DTNA: variants seen among roughly 807,000 people sequenced by gnomAD.
The protein encoded by DTNA is dystrobrevin alpha.
In DTNA, 43 loss-of-function variants were observed where a neutral mutation model predicts 100.7. That is an observed-to-expected ratio of 0.43 (90% CI 0.33 to 0.55). The LOEUF (loss-of-function observed/expected upper bound fraction) is 0.55. DTNA is among the 20% of genes least tolerant of loss of function. The pLI is 0.04. For synonymous variants in DTNA, 349 were observed against 347.9 expected, an observed-to-expected ratio of 1.00 and a Z score of -0.04; for missense variants, 798 against 953.9, an observed-to-expected ratio of 0.84 and a Z score of 2.15.
In DTNA at chr18:34,891,385, A is replaced by AT. The variant is rs1416981626; in HGVS notation, c.*3652dup. The AT allele has an allele frequency of 2.0e-5, 3 of 152,622 alleles. No homozygotes were observed. The highest frequency in any genetic ancestry group is 7.2e-5 in the African/African-American group (3 of 41,436). The allele number at this position is 152,622 out of a possible 1,614,324, so 9.5% of individuals were successfully genotyped here. ...AGTGGAATAATTTCTTCATTAAAAA[A>AT]TGTTTTTAAAAACACTATATCTTGG... is the stretch of plus-strand genomic sequence containing the variant. On this transcript the variant is annotated 3_prime_UTR_variant, in exon 23 of 23. Transcript: ENST00000444659.
intron 19 of DTNA, among the ~76,000 whole-genome samples, chr18:34,878,545 GTCC>G (rs1045331645): frequency 3.3e-5 from 5 of 152,042 alleles, no homozygotes; most frequent in African/African-American, 1.2e-4. Context: ...GGCTCAAACA[GTCC>G]TCCTGCTTCA....
At chr18:34,667,819 G>T (rs1251219725) in intron 1 of DTNA, among the ~76,000 whole-genome samples, 1 of 152,110 alleles carries the variant, frequency 6.6e-6, no homozygotes, top group African/African-American at 2.4e-5. Flanking sequence ...TGCTGGATTT[G>T]GTTTGCCAGT....
At chr18:34,595,664 G>T (rs2050446285) in intron 1 of DTNA, among the ~76,000 whole-genome samples, 1 of 152,146 alleles carries the variant, frequency 6.6e-6, no homozygotes, top group Admixed American at 6.5e-5. Flanking sequence ...CATTCATGGT[G>T]TCTTAATTTC....
At chr18:34,613,448 G>C (rs1176244235) in intron 1 of DTNA, among the ~76,000 whole-genome samples, 1 of 152,210 alleles carries the variant, frequency 6.6e-6, no homozygotes, top group Non-Finnish European at 1.5e-5. Context: ...GCCAAGACAG[G>C]CTGAAAGCTA....
At chr18:34,830,361 G>A (rs1288943991) in intron 11 of DTNA, among the ~76,000 whole-genome samples, 1 of 151,832 alleles carries the variant, frequency 6.6e-6, no homozygotes, top group Admixed American at 6.6e-5. Context: ...AGCTGAATGA[G>A]GCTGAATTGA....
chr18:34,876,431 A>C (rs2096819392), intron 18 of DTNA, among the ~76,000 whole-genome samples: 2 of 152,356 alleles, frequency 1.3e-5, no homozygotes, highest in South Asian at 4.1e-4. Context: ...TTATACAAAA[A>C]TCATGTAGAG....
chr18:34,692,348 A>G (rs1162648625), intron 1 of DTNA, among the ~76,000 whole-genome samples: 1 of 152,232 alleles, frequency 6.6e-6, no homozygotes, highest in African/African-American at 2.4e-5. Flanking sequence ...TTTAATCTTC[A>G]TAATAACCCC....
At chr18:34,820,412 A>G (rs1333206487) in intron 8 of DTNA, among the ~76,000 whole-genome samples, 2 of 152,102 alleles carry the variant, frequency 1.3e-5, no homozygotes, top group Non-Finnish European at 2.9e-5. Flanking sequence ...CAAGCCATAT[A>G]AAGATTTTGA....
chr18:34,598,788 C>T (rs1271763512), intron 1 of DTNA, among the ~76,000 whole-genome samples: 1 of 152,044 alleles, frequency 6.6e-6, no homozygotes, highest in African/African-American at 2.4e-5. Flanking sequence ...ATGGCATGAA[C>T]CTGGGAGGTG....
At chr18:34,800,698 A>T (rs1385387457) in intron 4 of DTNA, among the ~76,000 whole-genome samples, 1 of 152,224 alleles carries the variant, frequency 6.6e-6, no homozygotes, top group Non-Finnish European at 1.5e-5. Context: ...CTGTCTGTTT[A>T]AGAAAGAATC....
intron 1 of DTNA, among the ~76,000 whole-genome samples, chr18:34,726,862 C>T (rs927466605): frequency 1.1e-4 from 16 of 152,210 alleles, no homozygotes; most frequent in East Asian, 3.9e-4. Flanking sequence ...CTGGTGAGGA[C>T]GCTGTGTGGG....
At chr18:34,834,911 T>A (rs984928665) in intron 11 of DTNA, among the ~76,000 whole-genome samples, 3 of 152,134 alleles carry the variant, frequency 2.0e-5, no homozygotes, top group Admixed American at 6.5e-5. Context: ...AGAGAAAAAA[T>A]TTCACTTTGC....
chr18:34,661,108 C>T (rs1034416671), intron 1 of DTNA, among the ~76,000 whole-genome samples: 1 of 152,112 alleles, frequency 6.6e-6, no homozygotes, highest in Non-Finnish European at 1.5e-5. Context: ...GTATTACTAA[C>T]CTATTTGAAA....
chr18:34,744,673 C>A (rs1009237798), intron 1 of DTNA, among the ~76,000 whole-genome samples: 1 of 152,094 alleles, frequency 6.6e-6, no homozygotes, highest in Non-Finnish European at 1.5e-5. Context: ...TAGGCACTTT[C>A]GGCTCACAGG....
At chr18:34,611,362 C>G (rs1435024469) in intron 1 of DTNA, among the ~76,000 whole-genome samples, 1 of 152,148 alleles carries the variant, frequency 6.6e-6, no homozygotes, top group Non-Finnish European at 1.5e-5. Flanking sequence ...GAAAATTTAA[C>G]AGGTAGAGAG....
chr18:34,650,474 A>G (rs1247114469), intron 1 of DTNA, among the ~76,000 whole-genome samples: 2 of 152,258 alleles, frequency 1.3e-5, no homozygotes, highest in Non-Finnish European at 2.9e-5. Flanking sequence ...TTTGAGACAC[A>G]GTCTTTTTAT....
intron 1 of DTNA, among the ~76,000 whole-genome samples, chr18:34,565,895 C>T (rs897372986): frequency 1.3e-5 from 2 of 152,146 alleles, no homozygotes; most frequent in South Asian, 2.1e-4. Context: ...CATTGCAGAT[C>T]GGGTTTGAGG....
At chr18:34,717,962 A>G (rs577080910) in intron 1 of DTNA, among the ~76,000 whole-genome samples, 1 of 152,356 alleles carries the variant, frequency 6.6e-6, no homozygotes, top group South Asian at 2.1e-4. Context: ...GAGGGAGGTT[A>G]TGAGCTAAGG....
intron 1 of DTNA, among the ~76,000 whole-genome samples, chr18:34,622,806 T>C (rs1404303460): frequency 6.6e-6 from 1 of 152,186 alleles, no homozygotes; most frequent in African/African-American, 2.4e-5. Flanking sequence ...TACCATCGGC[T>C]CCCATGTTTC....
Sources: allele counts gnomAD v4.1 joint callset (sites outside exome capture counted in the v4.1 genomes callset), GRCh38; gene constraint gnomAD v4.1.1; transcripts MANE v1.5; gene names NCBI Gene and HGNC (gene_info 2026-07-23, HGNC 2026-07-21).